KCNIP4: variants seen among roughly 807,000 people sequenced by gnomAD.
KCNIP4 encodes Kv channel-interacting protein 4.
A neutral mutation model predicts 34.0 loss-of-function variants in KCNIP4; 12 were observed. That is an observed-to-expected ratio of 0.35 (90% CI 0.23 to 0.57). KCNIP4 has a LOEUF of 0.57. Ranked by LOEUF, KCNIP4 falls within the 20% of genes least tolerant of loss-of-function variation. The pLI, the probability that KCNIP4 is intolerant of heterozygous loss-of-function variation, is 0.83. For missense variants in KCNIP4, 238 were observed against 311.7 expected, an observed-to-expected ratio of 0.76 and a Z score of 1.78; for synonymous variants, 124 against 102.2, an observed-to-expected ratio of 1.21 and a Z score of -1.29.
intron 2 of KCNIP4, among the ~76,000 whole-genome samples, chr4:20,862,635 T>C (rs1315337912): frequency 6.6e-6 from 1 of 152,160 alleles, no homozygotes; most frequent in African/African-American, 2.4e-5. Flanking sequence ...TTCTCTTAGT[T>C]GTCCTAAAAA....
intron 1 of KCNIP4, among the ~76,000 whole-genome samples, chr4:21,803,017 C>G (rs1200346050): frequency 1.3e-5 from 2 of 152,098 alleles, no homozygotes; most frequent in Non-Finnish European, 2.9e-5. Context: ...TGAAATTCTC[C>G]CAGTTCCATG....
intron 1 of KCNIP4, among the ~76,000 whole-genome samples, chr4:21,876,273 A>G (rs1726105181): frequency 6.6e-6 from 1 of 152,220 alleles, no homozygotes; most frequent in African/African-American, 2.4e-5. Flanking sequence ...TTATGATTCT[A>G]TCTATGATTT....
intron 1 of KCNIP4, among the ~76,000 whole-genome samples, chr4:21,861,656 C>CAAGAAA (rs1367713559): frequency 9.9e-6 from 1 of 101,320 alleles, no homozygotes; most frequent in African/African-American, 4.1e-5. Flanking sequence ...GACTCCGTCT[C>CAAGAAA]AAAAAAAAAA....
At chr4:20,780,131 G>A (rs1287229850) in intron 3 of KCNIP4, among the ~76,000 whole-genome samples, 1 of 152,188 alleles carries the variant, frequency 6.6e-6, no homozygotes, top group East Asian at 1.9e-4. Flanking sequence ...GTGAGACTAA[G>A]AAGGGCTGGT....
intron 1 of KCNIP4, among the ~76,000 whole-genome samples, chr4:21,029,087 A>G (rs1740787841): frequency 1.3e-5 from 2 of 152,230 alleles, no homozygotes; most frequent in Admixed American, 6.5e-5. Context: ...TCTACCAAGA[A>G]TAGATTTGAC....
intron 5 of KCNIP4, among the ~76,000 whole-genome samples, chr4:20,745,335 A>T (rs1752188931): frequency 6.6e-6 from 1 of 152,210 alleles, no homozygotes; most frequent in Admixed American, 6.5e-5. Context: ...AATTTACATT[A>T]AAAGATAGCT....
At chr4:21,727,454 G>A (rs376050983) in intron 1 of KCNIP4, among the ~76,000 whole-genome samples, 3 of 152,232 alleles carry the variant, frequency 2.0e-5, no homozygotes, top group South Asian at 4.2e-4. Flanking sequence ...ACCATAAGGA[G>A]TAAATTATAT....
At chr4:21,793,456 C>G (rs892475527) in intron 1 of KCNIP4, among the ~76,000 whole-genome samples, 3 of 152,070 alleles carry the variant, frequency 2.0e-5, no homozygotes, top group African/African-American at 7.2e-5. Context: ...TAAGATTTCA[C>G]CATGTTGGCC....
At chr4:21,104,358 T>A (rs2109078945) in intron 1 of KCNIP4, among the ~76,000 whole-genome samples, 1 of 152,322 alleles carries the variant, frequency 6.6e-6, no homozygotes, top group South Asian at 2.1e-4. Flanking sequence ...TGATGAACAT[T>A]TTTTCATGTG....
At chr4:21,514,756 A>T (rs1336613406) in intron 1 of KCNIP4, among the ~76,000 whole-genome samples, 1 of 152,198 alleles carries the variant, frequency 6.6e-6, no homozygotes, top group African/African-American at 2.4e-5. Flanking sequence ...TCTCAATTAG[A>T]TATTCTCAGA....
At chr4:21,611,292 G>T (rs1744136906) in intron 1 of KCNIP4, among the ~76,000 whole-genome samples, 1 of 152,164 alleles carries the variant, frequency 6.6e-6, no homozygotes. Context: ...GTGTGCATGT[G>T]TCTTTATATT....
intron 1 of KCNIP4, among the ~76,000 whole-genome samples, chr4:21,870,085 C>T (rs1405098399): frequency 3.9e-5 from 6 of 152,104 alleles, no homozygotes; most frequent in Admixed American, 6.5e-5. Flanking sequence ...ACTAGCTGTT[C>T]CCTTTGTAAG....
chr4:21,456,221 C>G (rs1235760646), intron 1 of KCNIP4, among the ~76,000 whole-genome samples: 1 of 147,580 alleles, frequency 6.8e-6, no homozygotes, highest in South Asian at 2.1e-4. Flanking sequence ...CAAATCCATA[C>G]AGCAAAAATA....
intron 1 of KCNIP4, among the ~76,000 whole-genome samples, chr4:21,101,759 G>T (rs1375182223): frequency 1.3e-5 from 2 of 151,974 alleles, no homozygotes; most frequent in East Asian, 3.9e-4. Flanking sequence ...AAAACAAATG[G>T]CATACACTAT....
intron 1 of KCNIP4, among the ~76,000 whole-genome samples, chr4:21,075,659 T>A (rs1201631986): frequency 6.6e-6 from 1 of 152,178 alleles, no homozygotes; most frequent in Admixed American, 6.5e-5. Context: ...AATATTGTTA[T>A]GTGTGAATTT....
intron 1 of KCNIP4, among the ~76,000 whole-genome samples, chr4:21,033,909 C>G (rs944118092): frequency 1.1e-4 from 17 of 152,086 alleles, no homozygotes; most frequent in African/African-American, 4.1e-4. Context: ...TGTGCAGGTT[C>G]TGAAGAAAAC....
intron 1 of KCNIP4, among the ~76,000 whole-genome samples, chr4:21,687,876 A>T (rs1207894080): frequency 2.6e-5 from 4 of 152,160 alleles, no homozygotes; most frequent in African/African-American, 9.7e-5. Flanking sequence ...TTAAGGGTGA[A>T]TTTGAATTTG....
intron 1 of KCNIP4, among the ~76,000 whole-genome samples, chr4:21,483,469 A>C (rs1731624613): frequency 1.4e-5 from 2 of 147,586 alleles, no homozygotes; most frequent in African/African-American, 2.5e-5. Context: ...TGTTCTCACG[A>C]TAGAGTTCTC....
chr4:21,287,201 T>C (rs1248857727), intron 1 of KCNIP4, among the ~76,000 whole-genome samples: 1 of 152,196 alleles, frequency 6.6e-6, no homozygotes, highest in East Asian at 1.9e-4. Flanking sequence ...ATGGCTTCTG[T>C]TTTTATTTCA....
Sources: allele counts gnomAD v4.1 joint callset (sites outside exome capture counted in the v4.1 genomes callset), GRCh38; gene constraint gnomAD v4.1.1; transcripts MANE v1.5; gene names NCBI Gene and HGNC (gene_info 2026-07-23, HGNC 2026-07-21).